The following CSTPP1 variants were observed in gnomAD, a reference collection of about 807,000 sequenced individuals.
The protein encoded by CSTPP1 is UPF0705 protein C11orf49.
the CSTPP1 span, among the ~76,000 whole-genome samples, chr11:47,059,462 A>G: frequency 6.6e-6 from 1 of 152,192 alleles, no homozygotes; most frequent in Non-Finnish European, 1.5e-5. Flanking sequence ...GGGAGAAAAT[A>G]GTCAATTCTA....
At chr11:47,027,148 A>G in the CSTPP1 span, among the ~76,000 whole-genome samples, 2 of 151,428 alleles carry the variant, frequency 1.3e-5, no homozygotes, top group Non-Finnish European at 2.9e-5. Context: ...AACCAGCCTT[A>G]TAAAAAAAGA....
At chr11:47,066,512 G>C in the CSTPP1 span, among the ~76,000 whole-genome samples, 1 of 152,074 alleles carries the variant, frequency 6.6e-6, no homozygotes, top group African/African-American at 2.4e-5. Flanking sequence ...CAGGCTTCCA[G>C]GATAGGCTCT....
the CSTPP1 span, chr11:47,052,527 T>C: frequency 6.2e-7 from 1 of 1,612,470 alleles, no homozygotes; most frequent in South Asian, 1.1e-5. Flanking sequence ...CGGTAAGTCT[T>C]CCCAAATTCT....
At chr11:46,968,353 A>AAT in the CSTPP1 span, among the ~76,000 whole-genome samples, 6 of 146,762 alleles carry the variant, frequency 4.1e-5, no homozygotes, top group Admixed American at 6.9e-5. Flanking sequence ...ATATTTAATT[A>AAT]ATATATATAA....
chr11:47,052,547 C>T, the CSTPP1 span: 3 of 1,600,270 alleles, frequency 1.9e-6, no homozygotes, highest in Non-Finnish European at 2.6e-6. Flanking sequence ...TTTTTCCTTC[C>T]TTCCTTCCTT....
chr11:47,022,390 GAC>G, the CSTPP1 span, among the ~76,000 whole-genome samples: 4 of 83,642 alleles, frequency 4.8e-5, no homozygotes, highest in East Asian at 4.2e-4. Context: ...TTTTTTTGGA[GAC>G]AGAGTCTTGC....
chr11:47,046,666 T>TC, the CSTPP1 span, among the ~76,000 whole-genome samples: 4 of 120,330 alleles, frequency 3.3e-5, no homozygotes, highest in African/African-American at 6.3e-5. Context: ...TTTTCTTTTT[T>TC]TTTTTTTTTT....
chr11:47,044,665 A>G, the CSTPP1 span, among the ~76,000 whole-genome samples: 1 of 152,144 alleles, frequency 6.6e-6, no homozygotes, highest in South Asian at 2.1e-4. Context: ...ACTCACATCT[A>G]TAATTCTAGT....
At chr11:47,031,706 T>C in the CSTPP1 span, among the ~76,000 whole-genome samples, 1 of 151,550 alleles carries the variant, frequency 6.6e-6, no homozygotes, top group East Asian at 1.9e-4. Context: ...CTTTTTTTTT[T>C]TTTTTTTTTA....
At chr11:47,089,428 G>A in the CSTPP1 span, among the ~76,000 whole-genome samples, 1 of 152,118 alleles carries the variant, frequency 6.6e-6, no homozygotes, top group Non-Finnish European at 1.5e-5. Flanking sequence ...GGTGGACAGA[G>A]TAATTTACTG....
chr11:47,122,578 C>A, the CSTPP1 span, among the ~76,000 whole-genome samples: 2 of 151,776 alleles, frequency 1.3e-5, no homozygotes, highest in African/African-American at 4.8e-5. Context: ...TTAAATAATT[C>A]TTTTTTATTT....
the CSTPP1 span, among the ~76,000 whole-genome samples, chr11:47,117,236 TC>T: frequency 6.6e-6 from 1 of 152,248 alleles, no homozygotes. Context: ...GCATCGATGG[TC>T]TTTACAATTT....
At chr11:47,156,968 C>A in the CSTPP1 span, 1 of 1,578,372 alleles carries the variant, frequency 6.3e-7, no homozygotes, top group East Asian at 2.2e-5. Context: ...ACAGACAAAA[C>A]ATGTCCTCCC....
At chr11:47,052,504 T>C in the CSTPP1 span, 1 of 1,613,534 alleles carries the variant, frequency 6.2e-7, no homozygotes, top group East Asian at 2.2e-5. Flanking sequence ...TTCCGAACTG[T>C]GGGCAAAAAT....
chr11:47,162,748 G>A, the CSTPP1 span, among the ~76,000 whole-genome samples: 1 of 152,124 alleles, frequency 6.6e-6, no homozygotes, highest in South Asian at 2.1e-4. Flanking sequence ...AGCAGAACAG[G>A]ACTGCCTCCT....
the CSTPP1 span, among the ~76,000 whole-genome samples, chr11:47,018,909 A>G: frequency 6.6e-6 from 1 of 152,098 alleles, no homozygotes. Context: ...AGAGTTGTTT[A>G]TATATTCTGG....
chr11:46,971,061 A>T, the CSTPP1 span, among the ~76,000 whole-genome samples: 1 of 152,228 alleles, frequency 6.6e-6, no homozygotes, highest in African/African-American at 2.4e-5. Context: ...TTAATGCAAC[A>T]TTTGTCAACA....
the CSTPP1 span, among the ~76,000 whole-genome samples, chr11:46,998,052 A>G: frequency 6.6e-6 from 1 of 151,894 alleles, no homozygotes; most frequent in Non-Finnish European, 1.5e-5. Context: ...CAGATCTCAA[A>G]CTCCGTGCTG....
At chr11:47,003,141 T>C in the CSTPP1 span, among the ~76,000 whole-genome samples, 5 of 152,206 alleles carry the variant, frequency 3.3e-5, no homozygotes, top group Non-Finnish European at 5.9e-5. Context: ...GAGACCCCTG[T>C]CTCTACAAGA....
Sources: gnomAD v4.1 joint callset for allele counts (sites outside exome capture counted in the v4.1 genomes callset) on GRCh38, gnomAD v4.1.1 for gene constraint, MANE v1.5 for transcripts, NCBI Gene and HGNC (gene_info 2026-07-23, HGNC 2026-07-21) for gene names.